The following CPNE8 variants were observed in gnomAD, a reference collection of about 807,000 sequenced individuals.
CPNE8 encodes copine 8, also known as copine-8.
CPNE8 carries 45 observed loss-of-function variants against 81.5 expected under a neutral mutation model. The observed-to-expected ratio is 0.55, with a 90% CI of 0.44 to 0.71. The LOEUF (loss-of-function observed/expected upper bound fraction) is 0.71. CPNE8 is among the 30% of genes least tolerant of loss of function. The pLI, the probability that CPNE8 is intolerant of heterozygous loss-of-function variation, is 0.00. For synonymous variants in CPNE8, 252 were observed against 226.3 expected, an observed-to-expected ratio of 1.11 and a Z score of -1.02; for missense variants, 594 against 672.1, an observed-to-expected ratio of 0.88 and a Z score of 1.28.
chr12:38,788,549 C>T (rs2136922571), intron 6 of CPNE8, among the ~76,000 whole-genome samples: 3 of 151,900 alleles, frequency 2.0e-5, no homozygotes, highest in Middle Eastern at 3.4e-3. Flanking sequence ...ATCTGGAACA[C>T]AATAAGATGC....
chr12:38,840,064 A>G (rs1943443880), intron 4 of CPNE8, 109 bp from the exon 5 acceptor site: 1 of 1,102,504 alleles, frequency 9.1e-7, no homozygotes, highest in Admixed American at 3.3e-5. Flanking sequence ...CCAAAATAAT[A>G]CCAATAGGAA....
At chr12:38,816,084 A>C (rs1056863101) in intron 6 of CPNE8, among the ~76,000 whole-genome samples, 4 of 152,160 alleles carry the variant, frequency 2.6e-5, no homozygotes, top group South Asian at 2.1e-4. Context: ...TGCATTTATA[A>C]TGTGGTAAGG....
At chr12:38,795,300 C>A (rs1357864869) in intron 6 of CPNE8, among the ~76,000 whole-genome samples, 3 of 152,176 alleles carry the variant, frequency 2.0e-5, no homozygotes, top group African/African-American at 7.2e-5. Flanking sequence ...CTAGAGAACA[C>A]TGATTAATAC....
rs561504506 is a variant in CPNE8, at chr12:38,797,252, C to G, written c.408-20951G>C. Among the ~76,000 whole-genome samples the G allele has an allele frequency of 2.5e-3, 384 of 152,170 alleles. 1 individual carries two copies. Among genetic ancestry groups the G allele is most frequent in the African/African-American group, 8.4e-3 (350 of 41,462 alleles). On this transcript the variant is annotated intron_variant, in intron 6 of 19. Transcript: ENST00000331366. ...AACGGGCAGACTGCCTCCTCAACTG[C>G]GTCCCTGACCCCTGACCCCCGAGCA...
chr12:38,690,605 C>T (rs1381481981), intron 15 of CPNE8, among the ~76,000 whole-genome samples: 1 of 151,960 alleles, frequency 6.6e-6, no homozygotes, highest in African/African-American at 2.4e-5. Context: ...TATATCATTC[C>T]TTAGCAGTAG....
chr12:38,861,763 A>T (rs1349526686), intron 3 of CPNE8, among the ~76,000 whole-genome samples: 1 of 152,174 alleles, frequency 6.6e-6, no homozygotes, highest in Non-Finnish European at 1.5e-5. Flanking sequence ...AACATGCAAG[A>T]ACTAGGGAAA....
chr12:38,654,615 T>A (rs1002838126), intron 19 of CPNE8, among the ~76,000 whole-genome samples: 1 of 152,128 alleles, frequency 6.6e-6, no homozygotes, highest in Non-Finnish European at 1.5e-5. Context: ...AATCATTTTC[T>A]ATGTTTTTCC....
intron 14 of CPNE8, among the ~76,000 whole-genome samples, chr12:38,696,621 A>T (rs981674611): frequency 2.6e-5 from 4 of 152,216 alleles, no homozygotes; most frequent in African/African-American, 4.8e-5. Context: ...GTTATACCCA[A>T]TATTATCAAA....
rs1204200564 is a variant in CPNE8, at chr12:38,652,905, G to C, written c.*977C>G. The C allele has an allele frequency of 6.6e-6, 1 of 152,594 alleles. No individual in the cohort carries two copies. The highest frequency in any genetic ancestry group is 2.4e-5 in the African/African-American group (1 of 41,442). 9.5% of individuals were successfully genotyped at this position (152,594 alleles called of 1,614,324 possible). A position where few individuals can be genotyped will look rare whatever the true frequency, so the allele number is the denominator to read the frequency against. On this transcript the variant is annotated 3_prime_UTR_variant, in exon 20 of 20. Transcript: ENST00000331366. ...ACTTCCAGCCTGTGCACCTTGTGTG[G>C]CAACGTGGAATGGTGATAACAAGAA... is the stretch of plus-strand genomic sequence containing the variant.
chr12:38,731,956 C>T (rs1025410266), intron 10 of CPNE8, among the ~76,000 whole-genome samples: 1 of 151,776 alleles, frequency 6.6e-6, no homozygotes, highest in Non-Finnish European at 1.5e-5. Context: ...AATCCATCCT[C>T]CTCCATTGCT....
chr12:38,789,187 C>T (rs575493846), intron 6 of CPNE8, among the ~76,000 whole-genome samples: 1 of 151,840 alleles, frequency 6.6e-6, no homozygotes, highest in Non-Finnish European at 1.5e-5. Flanking sequence ...AATTACATTA[C>T]CTGACTTTGA....
At chr12:38,873,905 A>C (rs1389550457) in intron 2 of CPNE8, among the ~76,000 whole-genome samples, 2 of 152,078 alleles carry the variant, frequency 1.3e-5, no homozygotes, top group Middle Eastern at 3.2e-3. Context: ...CAGATGTTAC[A>C]TATTTCACTT....
At chr12:38,772,687 C>G (rs567206415) in intron 7 of CPNE8, among the ~76,000 whole-genome samples, 6 of 152,262 alleles carry the variant, frequency 3.9e-5, no homozygotes, top group African/African-American at 1.4e-4. Flanking sequence ...TTAGTGCAGC[C>G]ACTGTGGAAA....
chr12:38,779,480 G>A (rs928840137), intron 6 of CPNE8, among the ~76,000 whole-genome samples: 3 of 152,020 alleles, frequency 2.0e-5, no homozygotes, highest in East Asian at 1.9e-4. Flanking sequence ...AAAATAAATC[G>A]CTGCCTTAAA....
intron 10 of CPNE8, among the ~76,000 whole-genome samples, chr12:38,758,328 G>T (rs1941504942): frequency 7.1e-6 from 1 of 139,930 alleles, no homozygotes; most frequent in Non-Finnish European, 1.6e-5. Context: ...ACCAAGAAAT[G>T]CTTTACCCAT....
chr12:38,667,878 A>G (rs1414366989), intron 19 of CPNE8, among the ~76,000 whole-genome samples: 3 of 151,960 alleles, frequency 2.0e-5, no homozygotes, highest in East Asian at 3.9e-4. Flanking sequence ...GCTCACCGCA[A>G]TCTCCACCTC....
chr12:38,670,606 G>T, intron 19 of CPNE8, 123 bp downstream of exon 19: 1 of 613,070 alleles, frequency 1.6e-6, no homozygotes, highest in Non-Finnish European at 2.8e-6. Context: ...TTTAGTTTTT[G>T]TTGAGACTAA....
intron 6 of CPNE8, among the ~76,000 whole-genome samples, chr12:38,802,765 C>A (rs1337284006): frequency 6.9e-6 from 1 of 145,450 alleles, no homozygotes; most frequent in African/African-American, 2.5e-5. Context: ...GCTAGCAAGA[C>A]TAATAAAGAA....
intron 13 of CPNE8, among the ~76,000 whole-genome samples, chr12:38,710,359 G>A (rs1395844783): frequency 2.7e-5 from 4 of 150,904 alleles, no homozygotes; most frequent in African/African-American, 9.7e-5. Flanking sequence ...TGCCAGAGAG[G>A]TAATGCCTGC....
Sources: gnomAD v4.1 joint callset for allele counts (sites outside exome capture counted in the v4.1 genomes callset) on GRCh38, gnomAD v4.1.1 for gene constraint, MANE v1.5 for transcripts, NCBI Gene and HGNC (gene_info 2026-07-23, HGNC 2026-07-21) for gene names.